GASK1A: variants seen among roughly 807,000 people sequenced by gnomAD.
GASK1A encodes golgi associated kinase 1A.
Under a neutral mutation model 41.2 loss-of-function variants are expected in GASK1A, and 40 were observed. The observed-to-expected ratio is 0.97, with a 90% confidence interval of 0.75 to 1.27. GASK1A has a LOEUF of 1.27. Among genes scored for constraint, GASK1A ranks in the 50% most tolerant of loss-of-function variants. The pLI, the probability that GASK1A is intolerant of heterozygous loss-of-function variation, is 0.00. For missense variants in GASK1A, 678 were observed against 745.1 expected (o/e 0.91, Z 1.05); for synonymous variants, 316 against 307.1 (o/e 1.03, Z -0.30).
intron 2 of GASK1A, among the ~76,000 whole-genome samples, chr3:43,053,306 G>C (rs140262255): frequency 6.6e-6 from 1 of 152,358 alleles, no homozygotes; most frequent in Non-Finnish European, 1.5e-5. Context: ...CTGGCCTGAG[G>C]CATGAGCAAA....
At chr3:42,981,269 G>C (rs762982939) in intron 1 of GASK1A, among the ~76,000 whole-genome samples, 1 of 152,160 alleles carries the variant, frequency 6.6e-6, no homozygotes, top group Non-Finnish European at 1.5e-5. Context: ...TGGCCTTGGA[G>C]ATCTGAAGGC....
At position 43,022,443 on chromosome 3, in the gene GASK1A, A is replaced by G. The variant is rs562611171; in HGVS notation, c.4-9824A>G. Among the ~76,000 whole-genome samples the G allele has an allele frequency of 2.0e-4, 31 of 152,226 alleles. No homozygotes were observed. In the East Asian group the frequency reaches 4.8e-3, roughly 24 times the overall value. The stretch of plus-strand genomic sequence containing the variant: ...ATTTATTTTACCCTGGTGGTATCCA[A>G]TACTTTGAGAATACATATTAGGAAT... On this transcript the variant is annotated intron_variant, in intron 1 of 4. Coordinates refer to ENST00000430121, the MANE Select transcript of GASK1A (RefSeq NM_001129908.3).
intron 1 of GASK1A, among the ~76,000 whole-genome samples, chr3:43,007,905 T>G (rs371977801): frequency 1.8e-4 from 27 of 152,324 alleles, no homozygotes; most frequent in African/African-American, 6.0e-4. Context: ...TTTAGGAGCC[T>G]TGGTTGGCTT....
intron 1 of GASK1A, among the ~76,000 whole-genome samples, chr3:43,004,234 G>GA (rs2089423715): frequency 6.6e-6 from 1 of 152,148 alleles, no homozygotes; most frequent in African/African-American, 2.4e-5. Flanking sequence ...TCAGGCCATG[G>GA]AAAATAAAAC....
intron 2 of GASK1A, among the ~76,000 whole-genome samples, chr3:43,042,879 T>A (rs1313221289): frequency 2.0e-5 from 3 of 152,182 alleles, no homozygotes; most frequent in African/African-American, 7.2e-5. Context: ...GTTCCCTCCC[T>A]GGAGCTTCCA....
chr3:43,023,329 T>C (rs2089530916), intron 1 of GASK1A, among the ~76,000 whole-genome samples: 1 of 152,354 alleles, frequency 6.6e-6, no homozygotes. Flanking sequence ...ACGGCCCTGC[T>C]GACACCTTGA....
chr3:43,025,198 G>C (rs1057450588), intron 1 of GASK1A, among the ~76,000 whole-genome samples: 1 of 152,184 alleles, frequency 6.6e-6, no homozygotes, highest in African/African-American at 2.4e-5. Context: ...GCTGTTGCAC[G>C]TGTCCTGGTA....
At chr3:43,026,843 A>G (rs945862871) in intron 1 of GASK1A, among the ~76,000 whole-genome samples, 9 of 152,210 alleles carry the variant, frequency 5.9e-5, no homozygotes, top group Admixed American at 5.9e-4. Flanking sequence ...AATGGAAGAA[A>G]TATTTAATAT....
chr3:43,055,552 T>G lies in GASK1A; in HGVS notation c.1517+17T>G, dbSNP rs763414725. ...CATAGATGGGTGAGGGTCAAAAGGG[T>G]TGGGTGGAAGTTCATGGGACTGAGA... On this transcript the variant is annotated intron_variant, in intron 4 of 4. Transcript: ENST00000430121. 1.3e-6 allele frequency: 2 copies of G among 1,539,048 alleles called. No individual in the cohort carries two copies. The highest frequency in any genetic ancestry group is 2.4e-5 in the South Asian group (2 of 83,784).
At chr3:43,034,514 CA>C (rs1423382238) in intron 2 of GASK1A, among the ~76,000 whole-genome samples, 1 of 152,082 alleles carries the variant, frequency 6.6e-6, no homozygotes, top group Non-Finnish European at 1.5e-5. Context: ...GAAACAAAGA[CA>C]AAAAACAGAT....
intron 2 of GASK1A, among the ~76,000 whole-genome samples, chr3:43,043,179 C>T (rs865976633): frequency 6.6e-6 from 1 of 152,214 alleles, no homozygotes; most frequent in Non-Finnish European, 1.5e-5. Context: ...ACCCTTTCCA[C>T]CGTGAAGGTC....
At chr3:43,029,595 T>C (rs372954909) in intron 1 of GASK1A, among the ~76,000 whole-genome samples, 9 of 152,232 alleles carry the variant, frequency 5.9e-5, no homozygotes, top group African/African-American at 1.9e-4. Flanking sequence ...ATCCACACAC[T>C]GGCTTCCTGC....
chr3:43,017,147 C>T (rs2089495884), intron 1 of GASK1A, among the ~76,000 whole-genome samples: 1 of 148,520 alleles, frequency 6.7e-6, no homozygotes, highest in African/African-American at 2.5e-5. Flanking sequence ...AGTGTGAAGT[C>T]ACAGAGGCAG....
chr3:43,022,600 C>T (rs1219656500), intron 1 of GASK1A, among the ~76,000 whole-genome samples: 1 of 152,050 alleles, frequency 6.6e-6, no homozygotes, highest in African/African-American at 2.4e-5. Context: ...AACATTGGCA[C>T]TCTGGACCTT....
intron 1 of GASK1A, among the ~76,000 whole-genome samples, chr3:42,985,589 G>GGGT (rs2125672180): frequency 6.6e-6 from 1 of 151,192 alleles, no homozygotes; most frequent in East Asian, 2.0e-4. Flanking sequence ...GTGTGTGTGG[G>GGGT]CGGAGGCAGG....
At chr3:43,038,111 A>G (rs2089614127) in intron 2 of GASK1A, among the ~76,000 whole-genome samples, 2 of 152,230 alleles carry the variant, frequency 1.3e-5, no homozygotes, top group African/African-American at 2.4e-5. Flanking sequence ...ATCATAGAAG[A>G]TGCAAATGAC....
At chr3:42,982,302 A>G (rs1351028032) in intron 1 of GASK1A, among the ~76,000 whole-genome samples, 1 of 152,218 alleles carries the variant, frequency 6.6e-6, no homozygotes, top group African/African-American at 2.4e-5. Flanking sequence ...AAAAAGAAAA[A>G]TATTGATAGA....
intron 2 of GASK1A, among the ~76,000 whole-genome samples, chr3:43,041,066 A>G (rs1386878379): frequency 1.3e-5 from 2 of 149,914 alleles, no homozygotes; most frequent in Non-Finnish European, 3.0e-5. Flanking sequence ...ATCATTTTTT[A>G]TGGCTGCATA....
intron 2 of GASK1A, among the ~76,000 whole-genome samples, chr3:43,047,925 T>G (rs2089671542): frequency 6.6e-6 from 1 of 152,176 alleles, no homozygotes; most frequent in Non-Finnish European, 1.5e-5. Context: ...TACTTGTGGC[T>G]GAAAACACTC....
Sources: gnomAD v4.1 joint callset for allele counts (sites outside exome capture counted in the v4.1 genomes callset) on GRCh38, gnomAD v4.1.1 for gene constraint, MANE v1.5 for transcripts, NCBI Gene and HGNC (gene_info 2026-07-23, HGNC 2026-07-21) for gene names.